The following TBC1D32 variants were observed in gnomAD, a reference collection of about 807,000 sequenced individuals.
The protein encoded by TBC1D32 is protein broad-minded.
A neutral mutation model predicts 170.3 loss-of-function variants in TBC1D32; 151 were observed. The observed-to-expected ratio is 0.89, with a 90% CI of 0.78 to 1.01. The LOEUF (loss-of-function observed/expected upper bound fraction) is 1.01, where lower values mean the gene tolerates loss of function less well. Ranked by LOEUF, TBC1D32 falls within the 50% of genes least tolerant of loss-of-function variation. The pLI, the probability that TBC1D32 is intolerant of heterozygous loss-of-function variation, is 0.00. For missense variants in TBC1D32, 1,464 were observed against 1,457.1 expected (o/e 1.00, Z -0.08); for synonymous variants, 498 against 488.0 (o/e 1.02, Z -0.27).
At chr6:121,083,697 C>T (rs1182548575) in intron 31 of TBC1D32, among the ~76,000 whole-genome samples, 1 of 151,994 alleles carries the variant, frequency 6.6e-6, no homozygotes, top group Non-Finnish European at 1.5e-5. Context: ...GTAAAAGGAA[C>T]ACGGGATTTG....
At chr6:121,295,619 T>C (rs929874871) in intron 10 of TBC1D32, among the ~76,000 whole-genome samples, 1 of 150,246 alleles carries the variant, frequency 6.7e-6, no homozygotes, top group Non-Finnish European at 1.5e-5. Flanking sequence ...TTTGACTATA[T>C]AGGAGAGAAA....
At chr6:121,169,295 C>T (rs1164924394) in intron 22 of TBC1D32, among the ~76,000 whole-genome samples, 2 of 151,966 alleles carry the variant, frequency 1.3e-5, no homozygotes, top group Non-Finnish European at 2.9e-5. Context: ...CTTTGACAAA[C>T]CTGACAAAAA....
At chr6:121,201,390 CAAAGGAACTACTTTTT>C (rs763379522) in intron 22 of TBC1D32, among the ~76,000 whole-genome samples, 1 of 151,312 alleles carries the variant, frequency 6.6e-6, no homozygotes, top group Non-Finnish European at 1.5e-5. Flanking sequence ...AGGAAATGGG[CAAAGGAACTACTTTTT>C]AACACAGGTG....
intron 3 of TBC1D32, among the ~76,000 whole-genome samples, chr6:121,311,605 G>A (rs1047945269): frequency 5.3e-5 from 8 of 151,838 alleles, no homozygotes; most frequent in Non-Finnish European, 8.8e-5. Context: ...GCACGTGCCC[G>A]TACTCCCAGC....
intron 3 of TBC1D32, among the ~76,000 whole-genome samples, chr6:121,316,520 T>C (rs1808959553): frequency 6.6e-6 from 1 of 152,144 alleles, no homozygotes; most frequent in African/African-American, 2.4e-5. Flanking sequence ...GGTTACAGCA[T>C]GAAGAAAATT....
At chr6:121,103,849 G>C (rs1778414946) in intron 30 of TBC1D32, among the ~76,000 whole-genome samples, 1 of 151,922 alleles carries the variant, frequency 6.6e-6, no homozygotes, top group Non-Finnish European at 1.5e-5. Context: ...ACTGTTCCCA[G>C]TTGAGCTTTT....
intron 20 of TBC1D32, among the ~76,000 whole-genome samples, chr6:121,237,221 C>T (rs928768412): frequency 1.3e-5 from 2 of 151,976 alleles, no homozygotes; most frequent in Admixed American, 6.6e-5. Context: ...TCTACTGCCT[C>T]CTGGTTTCCA....
chr6:121,218,532 A>G (rs1055436823), intron 21 of TBC1D32, among the ~76,000 whole-genome samples: 1 of 152,070 alleles, frequency 6.6e-6, no homozygotes, highest in Non-Finnish European at 1.5e-5. Context: ...GGAAAGGCAG[A>G]CCCACCCTTA....
At chr6:121,162,727 G>A (rs997736820) in intron 22 of TBC1D32, among the ~76,000 whole-genome samples, 5 of 151,812 alleles carry the variant, frequency 3.3e-5, no homozygotes. Context: ...GAGCCAAGAT[G>A]GCCGAATAGG....
intron 25 of TBC1D32, among the ~76,000 whole-genome samples, chr6:121,130,838 A>G (rs1582892975): frequency 6.6e-6 from 1 of 152,088 alleles, no homozygotes; most frequent in East Asian, 1.9e-4. Context: ...CTTAGAATAG[A>G]TATTTTATAA....
intron 27 of TBC1D32, 89 bp from the exon 28 acceptor site, chr6:121,113,266 A>T (rs997713387): frequency 9.2e-6 from 7 of 758,836 alleles, no homozygotes; most frequent in Non-Finnish European, 1.5e-5. Flanking sequence ...TATGTTATAC[A>T]GAGCACTTAT....
intron 12 of TBC1D32, among the ~76,000 whole-genome samples, chr6:121,289,038 G>A (rs1043175385): frequency 2.0e-5 from 3 of 152,102 alleles, no homozygotes; most frequent in African/African-American, 7.2e-5. Flanking sequence ...CAAACCTACA[G>A]CCAATATCAT....
intron 15 of TBC1D32, among the ~76,000 whole-genome samples, chr6:121,271,919 A>G (rs940877868): frequency 2.0e-5 from 3 of 152,136 alleles, no homozygotes; most frequent in Admixed American, 6.5e-5. Context: ...ATATAGACCC[A>G]TGGAACAGAA....
At chr6:121,160,895 G>A (rs1726600446) in intron 23 of TBC1D32, 53 bp downstream of exon 23, 1 of 1,432,690 alleles carries the variant, frequency 7.0e-7, no homozygotes, top group Non-Finnish European at 9.9e-7. Flanking sequence ...TGGCTATCTT[G>A]CTTCAAAATA....
chr6:121,129,463 G>A (rs1781197019), intron 25 of TBC1D32, among the ~76,000 whole-genome samples: 1 of 152,128 alleles, frequency 6.6e-6, no homozygotes, highest in Non-Finnish European at 1.5e-5. Flanking sequence ...AAAAGCATCT[G>A]TATAATATTG....
chr6:121,231,413 T>C (rs1795722727), intron 20 of TBC1D32, among the ~76,000 whole-genome samples: 2 of 152,204 alleles, frequency 1.3e-5, no homozygotes, highest in Non-Finnish European at 2.9e-5. Flanking sequence ...GTATAATGAC[T>C]TCTTTTCCTC....
rs769949110 is a variant in TBC1D32 at position 121,242,342 on chromosome 6, G to A, written c.2019-3C>T. On this transcript the variant is annotated splice_region_variant and splice_polypyrimidine_tract_variant and intron_variant, in intron 17 of 31. Transcript: ENST00000398212. ...ACAAATTATCTTCCCAAGCCATACT[G>A]AAATAGGTAAAAGAAAGGTAGAGCT... 2.5e-6 allele frequency: 4 copies of A among 1,610,926 alleles called. No homozygotes were observed. Among genetic ancestry groups the A allele is most frequent in the South Asian group, 2.2e-5 (2 of 90,330 alleles).
At chr6:121,181,118 G>C (rs971468503) in intron 22 of TBC1D32, among the ~76,000 whole-genome samples, 1 of 152,030 alleles carries the variant, frequency 6.6e-6, no homozygotes, top group Non-Finnish European at 1.5e-5. Flanking sequence ...CAGAGAAAGG[G>C]GAACATTCAT....
chr6:121,243,495 A>AC (rs5879593), intron 17 of TBC1D32, among the ~76,000 whole-genome samples: 134,403 of 152,086 alleles, frequency 0.88, 59,840 homozygotes, highest in East Asian at 0.98. Flanking sequence ...AGGCATCATG[A>AC]CTTTGGATCA....
Sources: allele counts gnomAD v4.1 joint callset (sites outside exome capture counted in the v4.1 genomes callset), GRCh38; gene constraint gnomAD v4.1.1; transcripts MANE v1.5; gene names NCBI Gene and HGNC (gene_info 2026-07-23, HGNC 2026-07-21).